PBX3: variants seen among roughly 807,000 people sequenced by gnomAD.
PBX3 encodes PBX homeobox 3.
A neutral mutation model predicts 48.5 loss-of-function variants in PBX3; 14 were observed. The observed-to-expected ratio is 0.29, with a 90% CI of 0.19 to 0.45. The LOEUF is 0.45. Among genes scored for constraint, PBX3 ranks in the 20% least tolerant of loss-of-function variants. PBX3 has a pLI of 1.00. For synonymous variants in PBX3, 210 were observed against 200.3 expected (o/e 1.05, Z -0.41); for missense variants, 386 against 546.7 (o/e 0.71, Z 2.93).
intron 2 of PBX3, among the ~76,000 whole-genome samples, chr9:125,787,990 A>G (rs1240484483): frequency 3.3e-5 from 5 of 152,222 alleles, no homozygotes; most frequent in Admixed American, 6.5e-5. Flanking sequence ...TTGGTTGAAT[A>G]TCTTATATGC....
chr9:125,792,077 T>C (rs893347769), intron 2 of PBX3, among the ~76,000 whole-genome samples: 3 of 146,060 alleles, frequency 2.1e-5, no homozygotes, highest in Non-Finnish European at 3.0e-5. Flanking sequence ...CACGCACGCA[T>C]ATAAATAAAT....
At chr9:125,907,899 C>T (rs746233943) in intron 2 of PBX3, among the ~76,000 whole-genome samples, 6 of 152,048 alleles carry the variant, frequency 3.9e-5, no homozygotes, top group Non-Finnish European at 8.8e-5. Context: ...TTGGTTTTCT[C>T]ATCTACAAAT....
chr9:125,957,831 C>T (rs1005186861), intron 5 of PBX3, among the ~76,000 whole-genome samples: 1 of 152,168 alleles, frequency 6.6e-6, no homozygotes, highest in Non-Finnish European at 1.5e-5. Flanking sequence ...CTCCTTTGCA[C>T]TATAGATATG....
At chr9:125,868,583 G>C (rs1840044072) in intron 2 of PBX3, among the ~76,000 whole-genome samples, 1 of 152,186 alleles carries the variant, frequency 6.6e-6, no homozygotes, top group African/African-American at 2.4e-5. Context: ...GTGTCTGTCA[G>C]TGCTGACCTA....
At chr9:125,936,629 T>C (rs1841841979) in intron 5 of PBX3, among the ~76,000 whole-genome samples, 1 of 152,228 alleles carries the variant, frequency 6.6e-6, no homozygotes, top group Non-Finnish European at 1.5e-5. Flanking sequence ...TTTGAGGGAA[T>C]AGGGCCTGGG....
intron 2 of PBX3, among the ~76,000 whole-genome samples, chr9:125,867,621 CA>C (rs1840014220): frequency 9.5e-6 from 1 of 105,782 alleles, no homozygotes; most frequent in African/African-American, 3.8e-5. Context: ...ATCTGGGCAA[CA>C]AGAGCAAGAC....
chr9:125,966,098 C>A lies in PBX3; in HGVS notation c.*175C>A. On this transcript the variant is annotated 3_prime_UTR_variant, in exon 9 of 9. Coordinates refer to ENST00000373489, the MANE Select transcript of PBX3 (RefSeq NM_006195.6). ...GGAATCATAATCATTTGTATTTATA[C>A]TTAAAAACACACAATGTTAAAAAAA... 2.2e-6 allele frequency: 1 copy of A among 444,960 alleles called. No individual in the cohort carries two copies. Among genetic ancestry groups the A allele is most frequent in the South Asian group, 5.2e-5 (1 of 19,322 alleles). 27.6% of individuals were successfully genotyped at this position (444,960 alleles called of 1,614,324 possible). A position where few individuals can be genotyped will look rare whatever the true frequency, so the allele number is the denominator to read the frequency against.
chr9:125,905,458 A>T (rs992589422), intron 2 of PBX3, among the ~76,000 whole-genome samples: 19 of 152,034 alleles, frequency 1.2e-4, no homozygotes, highest in African/African-American at 4.6e-4. Context: ...TTCATTTCTT[A>T]TCAAAGGGAG....
chr9:125,906,044 C>T (rs1041697419), intron 2 of PBX3, among the ~76,000 whole-genome samples: 1 of 151,954 alleles, frequency 6.6e-6, no homozygotes, highest in South Asian at 2.1e-4. Flanking sequence ...AAAGTATAAA[C>T]TTAAGAGAGA....
At chr9:125,802,674 ATT>A (rs34242809) in intron 2 of PBX3, among the ~76,000 whole-genome samples, 2 of 149,904 alleles carry the variant, frequency 1.3e-5, no homozygotes, top group African/African-American at 4.9e-5. Context: ...TGGCCAATAC[ATT>A]TTTTTTTTGT....
intron 2 of PBX3, among the ~76,000 whole-genome samples, chr9:125,881,567 C>T (rs899795367): frequency 5.9e-5 from 9 of 151,942 alleles, no homozygotes; most frequent in Non-Finnish European, 1.2e-4. Flanking sequence ...GTGAATCTCC[C>T]TGTTGATTTA....
intron 2 of PBX3, among the ~76,000 whole-genome samples, chr9:125,904,107 A>G (rs1841015326): frequency 6.6e-6 from 1 of 151,854 alleles, no homozygotes; most frequent in Admixed American, 6.6e-5. Context: ...AATTATTTGG[A>G]AGCATTTAAT....
At chr9:125,781,565 C>G (rs372460120) in intron 2 of PBX3, among the ~76,000 whole-genome samples, 1,824 of 106,770 alleles carry the variant, frequency 0.017, 76 homozygotes, top group East Asian at 0.14. Flanking sequence ...AGGGGAGAGG[C>G]GAGAGGGGAG....
chr9:125,876,802 CTTTTTT>C (rs59596389), intron 2 of PBX3, among the ~76,000 whole-genome samples: 1 of 128,974 alleles, frequency 7.8e-6, no homozygotes. Context: ...TTCTTTCTTT[CTTTTTT>C]TTTTTTTTTT....
At chr9:125,761,181 T>C in intron 2 of PBX3, among the ~76,000 whole-genome samples, 1 of 152,072 alleles carries the variant, frequency 6.6e-6, no homozygotes. Flanking sequence ...AACAGTGTAT[T>C]CTATAGACAT....
chr9:125,883,555 T>A (rs1046565521), intron 2 of PBX3, among the ~76,000 whole-genome samples: 3 of 152,108 alleles, frequency 2.0e-5, no homozygotes, highest in Non-Finnish European at 4.4e-5. Flanking sequence ...AATTGTGAAT[T>A]AAAATCAAAT....
intron 2 of PBX3, among the ~76,000 whole-genome samples, chr9:125,774,186 T>A (rs764691220): frequency 4.0e-5 from 6 of 151,476 alleles, no homozygotes; most frequent in Non-Finnish European, 8.8e-5. Context: ...GGAGGAAGAG[T>A]GTGGGGAGCT....
chr9:125,900,479 C>G (rs1312145791), intron 2 of PBX3, among the ~76,000 whole-genome samples: 3 of 151,504 alleles, frequency 2.0e-5, no homozygotes, highest in African/African-American at 7.3e-5. Context: ...TAAAATCAGG[C>G]CGCAATATTC....
Position 125,966,759 on chromosome 9 carries a change from A to C in PBX3, c.*836A>C, listed in dbSNP as rs1305002799. ...ATTTATACATCCCACCAATCAAAAC[A>C]CAGCTTTATTACCTCATGCGAACTC... On this transcript the variant is annotated 3_prime_UTR_variant, in exon 9 of 9. Coordinates refer to ENST00000373489, the MANE Select transcript of PBX3 (RefSeq NM_006195.6). 1 of 152,624 alleles carries C rather than the reference A, an allele frequency of 6.6e-6. No individual in the cohort carries two copies. The highest frequency in any genetic ancestry group is 2.4e-5 in the African/African-American group (1 of 41,436). 9.5% of individuals were successfully genotyped at this position (152,624 alleles called of 1,614,324 possible).
Sources: gnomAD v4.1 joint callset for allele counts (sites outside exome capture counted in the v4.1 genomes callset) on GRCh38, gnomAD v4.1.1 for gene constraint, MANE v1.5 for transcripts, NCBI Gene and HGNC (gene_info 2026-07-23, HGNC 2026-07-21) for gene names.